The following GRID2 variants were observed in gnomAD, a reference collection of about 807,000 sequenced individuals.
The protein encoded by GRID2 is glutamate receptor ionotropic, delta-2.
In GRID2, 33 loss-of-function variants were observed where a neutral mutation model predicts 114.8. The ratio of observed to expected loss-of-function variants is 0.29; its 90% CI spans 0.22 to 0.38. The LOEUF (loss-of-function observed/expected upper bound fraction) is 0.38, where lower values mean the gene tolerates loss of function less well. Ranked by LOEUF, GRID2 falls within the 10% of genes least tolerant of loss-of-function variation. GRID2 has a pLI of 1.00. For missense variants in GRID2, 1,184 were observed against 1,257.7 expected, an observed-to-expected ratio of 0.94 and a Z score of 0.89; for synonymous variants, 505 against 449.9, an observed-to-expected ratio of 1.12 and a Z score of -1.55.
At chr4:93,045,123 G>T (rs1726005202) in intron 2 of GRID2, among the ~76,000 whole-genome samples, 1 of 152,102 alleles carries the variant, frequency 6.6e-6, no homozygotes, top group Admixed American at 6.6e-5. Context: ...TACGCAAGCT[G>T]GAGAAAATCT....
At chr4:92,808,006 G>A (rs935764934) in intron 2 of GRID2, among the ~76,000 whole-genome samples, 1 of 151,978 alleles carries the variant, frequency 6.6e-6, no homozygotes, top group Admixed American at 6.6e-5. Context: ...TTTTGAAATG[G>A]GGAGATTTTC....
intron 2 of GRID2, among the ~76,000 whole-genome samples, chr4:92,814,129 A>G (rs1740774795): frequency 6.6e-6 from 1 of 151,994 alleles, no homozygotes; most frequent in Non-Finnish European, 1.5e-5. Context: ...TATTTCTTTT[A>G]TGCCATGGAG....
At chr4:92,690,598 A>G (rs1353322833) in intron 2 of GRID2, among the ~76,000 whole-genome samples, 1 of 152,204 alleles carries the variant, frequency 6.6e-6, no homozygotes, top group Admixed American at 6.5e-5. Flanking sequence ...CAGGGTTGCC[A>G]CCACATTTAG....
intron 9 of GRID2, among the ~76,000 whole-genome samples, chr4:93,411,081 A>C: frequency 6.6e-6 from 1 of 152,238 alleles, no homozygotes; most frequent in Non-Finnish European, 1.5e-5. Flanking sequence ...ATATTTAATG[A>C]CAAAAAAACA....
intron 2 of GRID2, among the ~76,000 whole-genome samples, chr4:92,786,550 T>G (rs1739331060): frequency 6.6e-6 from 1 of 151,866 alleles, no homozygotes. Context: ...GAATATTCAA[T>G]TCAAACACTG....
chr4:92,355,309 A>C (rs185941922), intron 1 of GRID2, among the ~76,000 whole-genome samples: 2 of 151,872 alleles, frequency 1.3e-5, no homozygotes, highest in South Asian at 2.1e-4. Context: ...CCTTGGACTA[A>C]TTGATAATTT....
At chr4:93,721,415 A>G (rs762928991) in intron 14 of GRID2, among the ~76,000 whole-genome samples, 15 of 152,180 alleles carry the variant, frequency 9.9e-5, no homozygotes, top group Admixed American at 3.9e-4. Context: ...AAGAATTTTT[A>G]TATTTCAGGA....
At chr4:93,129,837 T>G (rs1734632060) in intron 4 of GRID2, among the ~76,000 whole-genome samples, 1 of 152,152 alleles carries the variant, frequency 6.6e-6, no homozygotes, top group African/African-American at 2.4e-5. Flanking sequence ...ACAACAAATT[T>G]GGGGTGTTCC....
At chr4:93,081,240 T>C (rs1199442200) in intron 2 of GRID2, among the ~76,000 whole-genome samples, 1 of 152,176 alleles carries the variant, frequency 6.6e-6, no homozygotes, top group East Asian at 1.9e-4. Context: ...AAAGAAGATA[T>C]ATGTTCAAAA....
At chr4:93,275,311 G>T (rs1164077220) in intron 8 of GRID2, among the ~76,000 whole-genome samples, 1 of 151,580 alleles carries the variant, frequency 6.6e-6, no homozygotes, top group Non-Finnish European at 1.5e-5. Flanking sequence ...TTTATCCATT[G>T]ATTAATTAAT....
intron 12 of GRID2, among the ~76,000 whole-genome samples, chr4:93,505,913 A>G (rs759571328): frequency 1.8e-4 from 28 of 152,122 alleles, no homozygotes; most frequent in Non-Finnish European, 3.8e-4. Context: ...CAAGCCAGTC[A>G]GATTTTCAGA....
At chr4:93,289,802 G>C (rs1753547630) in intron 8 of GRID2, among the ~76,000 whole-genome samples, 1 of 152,066 alleles carries the variant, frequency 6.6e-6, no homozygotes, top group Non-Finnish European at 1.5e-5. Context: ...ATTGTTATTT[G>C]TGGGTACGTA....
intron 8 of GRID2, among the ~76,000 whole-genome samples, chr4:93,302,210 T>C (rs1183858732): frequency 6.6e-6 from 1 of 152,238 alleles, no homozygotes; most frequent in Non-Finnish European, 1.5e-5. Context: ...AAACATTTTA[T>C]ACATGCTGTT....
chr4:92,508,791 T>A (rs1005041202), intron 1 of GRID2, among the ~76,000 whole-genome samples: 1 of 151,886 alleles, frequency 6.6e-6, no homozygotes, highest in African/African-American at 2.4e-5. Flanking sequence ...ATACTTTTTT[T>A]AAAGGATGCC....
chr4:93,631,184 A>C (rs1743211477), intron 14 of GRID2, among the ~76,000 whole-genome samples: 1 of 151,934 alleles, frequency 6.6e-6, no homozygotes, highest in Admixed American at 6.6e-5. Context: ...CACTTTTAAC[A>C]AGTGTGTTTC....
intron 2 of GRID2, among the ~76,000 whole-genome samples, chr4:92,754,379 G>C (rs954372291): frequency 6.6e-6 from 1 of 152,260 alleles, no homozygotes; most frequent in Admixed American, 6.5e-5. Flanking sequence ...ATGGTAGTAG[G>C]AGATAGACGA....
chr4:93,806,639 T>C (rs1226660268), intron 1 of GRID2: 1 of 152,234 alleles, frequency 6.6e-6, no homozygotes, highest in Non-Finnish European at 1.5e-5. Context: ...GCCTTATAAG[T>C]AGTGATAGGA....
At chr4:93,278,234 G>A (rs1228688329) in intron 8 of GRID2, among the ~76,000 whole-genome samples, 2 of 149,676 alleles carry the variant, frequency 1.3e-5, no homozygotes, top group Admixed American at 6.8e-5. Flanking sequence ...AAAACCACAG[G>A]ATAATTTGGC....
chr4:93,575,151 A>T (rs898735251), intron 13 of GRID2, among the ~76,000 whole-genome samples: 22 of 152,144 alleles, frequency 1.4e-4, no homozygotes, highest in African/African-American at 5.3e-4. Flanking sequence ...AAATCACAGG[A>T]CTTATCCCAC....
Sources: gnomAD v4.1 joint callset for allele counts (sites outside exome capture counted in the v4.1 genomes callset) on GRCh38, gnomAD v4.1.1 for gene constraint, MANE v1.5 for transcripts, NCBI Gene and HGNC (gene_info 2026-07-23, HGNC 2026-07-21) for gene names.